The following TLE2 variants were observed in gnomAD, a reference collection of about 807,000 sequenced individuals.
TLE2 encodes TLE family member 2, transcriptional corepressor, also known as transducin-like enhancer protein 2.
A neutral mutation model predicts 97.2 loss-of-function variants in TLE2; 74 were observed. The ratio of observed to expected loss-of-function variants is 0.76; its 90% CI spans 0.63 to 0.92. The LOEUF (loss-of-function observed/expected upper bound fraction) is 0.92, where lower values mean the gene tolerates loss of function less well. TLE2 is among the 40% of genes least tolerant of loss of function. The pLI is 0.00. For synonymous variants in TLE2, 499 were observed against 432.1 expected, an observed-to-expected ratio of 1.15 and a Z score of -1.92; for missense variants, 1,038 against 1,008.7, an observed-to-expected ratio of 1.03 and a Z score of -0.39.
At chr19:3,026,531 G>A (rs2089947340) in intron 4 of TLE2, among the ~76,000 whole-genome samples, 1 of 148,176 alleles carries the variant, frequency 6.7e-6, no homozygotes, top group African/African-American at 2.5e-5. Context: ...AATAGCCTCA[G>A]AACCTTTTAA....
chr19:3,020,625 T>A (rs2089818895), intron 5 of TLE2: 1 of 152,164 alleles, frequency 6.6e-6, no homozygotes, highest in African/African-American at 2.4e-5. Context: ...ACGATCGCCT[T>A]CCTAAACCTG....
chr19:3,006,357 CA>C, intron 15 of TLE2, 62 bp downstream of exon 15: 1 of 1,568,644 alleles, frequency 6.4e-7, no homozygotes, highest in South Asian at 1.2e-5. Context: ...AACACCGCCC[CA>C]TTGGAACATA....
intron 8 of TLE2, among the ~76,000 whole-genome samples, chr19:3,017,452 C>CT (rs529847551): frequency 0.19 from 23,680 of 123,602 alleles, 3,108 homozygotes; most frequent in African/African-American, 0.35. Context: ...TTCTTTCTTT[C>CT]TTTTTTTTTT....
chr19:2,998,096 G>A (rs1022668550), intron 19 of TLE2, 141 bp from the exon 20 acceptor site: 14 of 631,414 alleles, frequency 2.2e-5, no homozygotes, highest in Non-Finnish European at 4.0e-5. Context: ...TTGAGATGGA[G>A]TTTTGTTCTT....
At chr19:3,010,988 G>A in intron 12 of TLE2, 34 bp downstream of exon 12, 1 of 1,587,546 alleles carries the variant, frequency 6.3e-7, no homozygotes. Flanking sequence ...GACGAGGCCT[G>A]CTCCAGACAG....
At chr19:3,034,646 C>T (rs1490210617) in intron 1 of TLE2, among the ~76,000 whole-genome samples, 1 of 151,908 alleles carries the variant, frequency 6.6e-6, no homozygotes, top group African/African-American at 2.4e-5. Flanking sequence ...TCTCCCCCAG[C>T]CTCCTGTCTT....
At position 3,028,746 on chromosome 19, in the gene TLE2, T is replaced by C; in HGVS notation, c.82A>G (p.Ile28Val). ...TGAAGAAACTGGAATTCTTCTTTGA[T>C]GCGGTCGCAGATCTCCAAGATCGAG... is the stretch of plus-strand genomic sequence containing the variant. ...KFSILEICDR[I>V]KEEFQFLQAQ... The change falls in exon 2 of 20, where the codon ATC (isoleucine) becomes GTC (valine). Residue 28 changes from isoleucine (I) to valine (V), a missense_variant. Physicochemically the swap from Ile to Val is conservative, Grantham distance 29 (BLOSUM62 3). Transcript: ENST00000262953. The C allele has an allele frequency of 6.2e-7, 1 of 1,612,792 alleles. No individual in the cohort carries two copies. Among genetic ancestry groups the C allele is most frequent in the East Asian group, 2.2e-5 (1 of 44,836 alleles).
At chr19:3,035,439 A>G (rs1017444624) in intron 1 of TLE2, among the ~76,000 whole-genome samples, 3 of 152,026 alleles carry the variant, frequency 2.0e-5, no homozygotes, top group African/African-American at 7.2e-5. Flanking sequence ...CCAGAGGGGA[A>G]AAGGAGCTCA....
At chr19:3,007,900 C>T (rs1029839273) in intron 14 of TLE2, among the ~76,000 whole-genome samples, 5 of 152,094 alleles carry the variant, frequency 3.3e-5, no homozygotes, top group African/African-American at 7.2e-5. Context: ...GCCTGGCCAA[C>T]ATGGTGAAAC....
At chr19:3,021,754 C>T (rs963440644) in intron 5 of TLE2, among the ~76,000 whole-genome samples, 1 of 151,424 alleles carries the variant, frequency 6.6e-6, no homozygotes, top group African/African-American at 2.4e-5. Context: ...AACTAATTTT[C>T]ATACTTTTAG....
rs753803425 is a variant in TLE2, at chr19:3,006,445, G to A, written c.1475C>T (p.Thr492Met). Residue 492 changes from threonine to methionine, a missense_variant, in exon 15 of 20, where the codon ACG (threonine) becomes ATG (methionine). Coordinates refer to ENST00000262953, the MANE Select transcript of TLE2 (RefSeq NM_003260.5). ...CAGGCAGTCGAGCTGGGCCACGGGC[G>A]TCTTGGCCCCAGGCTGGCCCACGTC... ...VWDVGQPGAK[T>M]PVAQLDCLNR... is the part of the protein sequence containing the mutation. The A allele has an allele frequency of 3.7e-6, 6 of 1,610,422 alleles. No individual in the cohort carries two copies. Among genetic ancestry groups the A allele is most frequent in the Admixed American group, 1.7e-5 (1 of 59,946 alleles).
intron 1 of TLE2, among the ~76,000 whole-genome samples, chr19:3,041,215 T>TG (rs1484786512): frequency 3.2e-4 from 48 of 150,844 alleles, no homozygotes; most frequent in Non-Finnish European, 4.4e-4. Flanking sequence ...TTAGTAGAGA[T>TG]GGGGTTTCAC....
chr19:3,034,649 C>T (rs2090049267), intron 1 of TLE2, among the ~76,000 whole-genome samples: 1 of 151,942 alleles, frequency 6.6e-6, no homozygotes, highest in South Asian at 2.1e-4. Context: ...CCCCCAGCCT[C>T]CTGTCTTCTT....
At chr19:3,023,056 CTTTT>C (rs35202557) in intron 5 of TLE2, among the ~76,000 whole-genome samples, 1 of 135,440 alleles carries the variant, frequency 7.4e-6, no homozygotes, top group Non-Finnish European at 1.6e-5. Flanking sequence ...TTTACCTAAT[CTTTT>C]TTTTTTTTTT....
chr19:3,018,620 T>C lies in TLE2; in HGVS notation c.550+663A>G, dbSNP rs563066867. Among the ~76,000 whole-genome samples the C allele has an allele frequency of 3.3e-5, 5 of 149,784 alleles. No homozygotes were observed. The South Asian group carries it at 8.4e-4, about 25-fold the overall frequency. On this transcript the variant is annotated intron_variant, in intron 7 of 19. Coordinates refer to ENST00000262953, the MANE Select transcript of TLE2 (RefSeq NM_003260.5). ...CTATTTTTATTTATTTATTTATTTA[T>C]TTTAATTTTTTTGAGACAGAGTCTC...
At chr19:3,044,181 A>C (rs2090125466) in intron 1 of TLE2, among the ~76,000 whole-genome samples, 1 of 151,468 alleles carries the variant, frequency 6.6e-6, no homozygotes, top group Non-Finnish European at 1.5e-5. Flanking sequence ...CAAAAAAAAA[A>C]ACAAAAACAA....
At chr19:3,044,140 T>C (rs1409433348) in intron 1 of TLE2, among the ~76,000 whole-genome samples, 1 of 150,812 alleles carries the variant, frequency 6.6e-6, no homozygotes, top group Non-Finnish European at 1.5e-5. Flanking sequence ...GCCACTGCCC[T>C]CCAGCCTGGG....
chr19:3,019,778 C>T lies in TLE2; in HGVS notation c.295-5G>A, dbSNP rs534639267. 6.0e-5 allele frequency: 97 copies of T among 1,611,546 alleles called. No homozygotes were observed. The South Asian group carries it at 8.7e-4, about 15-fold the overall frequency. ...CTGGAGCACCTGCTGCTGATGCTGGCGGGTGGAAGGGATCAGGTAGAGGGT... is the reference window on the plus strand; with the variant it reads ...CTGGAGCACCTGCTGCTGATGCTGGTGGGTGGAAGGGATCAGGTAGAGGGT... On this transcript the variant is annotated splice_region_variant and splice_polypyrimidine_tract_variant and intron_variant, in intron 5 of 19. Coordinates refer to ENST00000262953, the MANE Select transcript of TLE2 (RefSeq NM_003260.5). This position sits in a 1 kb window ranked among gnomAD's most constrained non-coding sequence, Gnocchi z 5.1.
chr19:3,011,233 T>C, intron 11 of TLE2, 73 bp from the exon 12 acceptor site: 1 of 1,469,362 alleles, frequency 6.8e-7, no homozygotes, highest in Non-Finnish European at 9.0e-7. Flanking sequence ...GATCAGAAAC[T>C]GGGGTTGGGG....
Sources: allele counts gnomAD v4.1 joint callset (sites outside exome capture counted in the v4.1 genomes callset), GRCh38; gene constraint gnomAD v4.1.1; non-coding constraint Gnocchi (gnomAD v3.1); transcripts MANE v1.5; gene names NCBI Gene and HGNC (gene_info 2026-07-23, HGNC 2026-07-21).